The following SLC29A4 variants were observed in gnomAD, a reference collection of about 807,000 sequenced individuals.
SLC29A4 encodes equilibrative nucleoside transporter 4.
A neutral mutation model predicts 43.9 loss-of-function variants in SLC29A4; 36 were observed. The ratio of observed to expected loss-of-function variants is 0.82; its 90% CI spans 0.63 to 1.08. The LOEUF (loss-of-function observed/expected upper bound fraction) is 1.08, where lower values mean the gene tolerates loss of function less well. SLC29A4 is among the 50% of genes least tolerant of loss of function. SLC29A4 has a pLI of 0.00. For synonymous variants in SLC29A4, 491 were observed against 338.0 expected (o/e 1.45, Z -4.97); for missense variants, 869 against 755.3 (o/e 1.15, Z -1.77).
chr7:5,299,577 A>G (rs1379589618), intron 9 of SLC29A4, 150 bp downstream of exon 9: 1 of 921,764 alleles, frequency 1.1e-6, no homozygotes. Context: ...GCCATCCTGG[A>G]CAGTGTCCTC....
At chr7:5,286,806 C>T (rs1163939881) in intron 1 of SLC29A4, among the ~76,000 whole-genome samples, 2 of 152,174 alleles carry the variant, frequency 1.3e-5, no homozygotes, top group East Asian at 1.9e-4. Flanking sequence ...GGTTCTCCCA[C>T]TTTCTGCCTG....
chr7:5,305,614 A>G lies in SLC29A4; in HGVS notation c.*2675A>G, dbSNP rs987540200. The G allele has an allele frequency of 6.8e-6, 1 of 147,512 alleles. No homozygotes were observed. Among genetic ancestry groups the G allele is most frequent in the Admixed American group, 6.9e-5 (1 of 14,566 alleles). The allele number at this position is 147,512 out of a possible 1,614,324, so 9.1% of individuals were successfully genotyped here. On this transcript the variant is annotated 3_prime_UTR_variant, in exon 11 of 11. Transcript: ENST00000396872. Reference sequence around the variant, plus strand: ...CTTTTGTTGCCCAGGCTGGAGTGCAATGGCTCGATTTCAGCTCACTGCAAC... The same window carrying G: ...CTTTTGTTGCCCAGGCTGGAGTGCAGTGGCTCGATTTCAGCTCACTGCAAC...
chr7:5,299,488 C>T (rs1279526647), intron 9 of SLC29A4, 61 bp downstream of exon 9: 7 of 1,540,458 alleles, frequency 4.5e-6, no homozygotes, highest in Non-Finnish European at 5.3e-6. Context: ...ACAAGGGAGG[C>T]CCTGGCCTAT....
At chr7:5,285,033 T>C (rs1784864457) in intron 1 of SLC29A4, among the ~76,000 whole-genome samples, 1 of 152,122 alleles carries the variant, frequency 6.6e-6, no homozygotes, top group Non-Finnish European at 1.5e-5. Flanking sequence ...GGAGGAGCAT[T>C]TGATTGTTGT....
At position 5,305,955 on chromosome 7, in the gene SLC29A4, T is replaced by C. The variant is rs1323155167; in HGVS notation, c.*3016T>C. 1.3e-5 allele frequency: 2 copies of C among 152,084 alleles called. No homozygotes were observed. Among genetic ancestry groups the C allele is most frequent in the African/African-American group, 4.8e-5 (2 of 41,382 alleles). The allele number at this position is 152,084 out of a possible 1,614,324, so 9.4% of individuals were successfully genotyped here. A position where few individuals can be genotyped will look rare whatever the true frequency, so the allele number is the denominator to read the frequency against. On this transcript the variant is annotated 3_prime_UTR_variant, in exon 11 of 11. Transcript: ENST00000396872. Reference sequence around the variant, plus strand: ...CCTTTGCCGTGGGTTCAAGCGATTCTCCTGCCTCAGCCTCCCAAGTAGCTG... The same window carrying C: ...CCTTTGCCGTGGGTTCAAGCGATTCCCCTGCCTCAGCCTCCCAAGTAGCTG...
At chr7:5,291,355 T>A in intron 4 of SLC29A4, 118 bp downstream of exon 4, 1 of 1,002,832 alleles carries the variant, frequency 1.0e-6, no homozygotes, top group Non-Finnish European at 1.5e-6. Flanking sequence ...TGGGCACACT[T>A]CCTAGGGCTG....
intron 5 of SLC29A4, among the ~76,000 whole-genome samples, 181 bp downstream of exon 5, chr7:5,292,002 T>A (rs1456406402): frequency 6.6e-6 from 1 of 152,242 alleles, no homozygotes; most frequent in African/African-American, 2.4e-5. Context: ...GCCTGTGTAG[T>A]GTGTCTGCAG....
In SLC29A4 at chr7:5,291,134, C is replaced by G. The variant is rs1457764482; in HGVS notation, c.312C>G (p.Ile104Met). The G allele has an allele frequency of 2.5e-6, 4 of 1,613,752 alleles. No homozygotes were observed. Among genetic ancestry groups the G allele is most frequent in the Non-Finnish European group, 3.4e-6 (4 of 1,180,008 alleles). Reference protein sequence around the residue: ...YLHHKYPGTSIVFDMSLTYIL... With the variant: ...YLHHKYPGTSMVFDMSLTYIL... ...TCTGGCCCTCTGCAGGGACCTCCAT[C>G]GTGTTTGACATGAGCCTCACCTACA... Residue 104 changes from isoleucine (I) to methionine (M), a missense_variant, in exon 4 of 11, where the codon ATC becomes ATG. Coordinates refer to ENST00000396872, the MANE Select transcript of SLC29A4 (RefSeq NM_153247.4).
intron 10 of SLC29A4, among the ~76,000 whole-genome samples, chr7:5,301,427 T>G (rs1344513205): frequency 6.6e-6 from 1 of 151,898 alleles, no homozygotes; most frequent in Non-Finnish European, 1.5e-5. Context: ...GGAGGTGACT[T>G]GTGAGCAAAG....
In SLC29A4 at chr7:5,284,043, C is replaced by T. The variant is rs942594351; in HGVS notation, c.-9+961C>T. 1.4e-4 allele frequency among the ~76,000 whole-genome samples: 9 copies of T among 64,716 alleles called. 1 individual carries two copies. The highest frequency in any genetic ancestry group is 2.5e-4 in the Non-Finnish European group (6 of 24,472). The allele number at this position is 64,716 out of a possible 152,430, so 42.5% of individuals were successfully genotyped here. A position where few individuals can be genotyped will look rare whatever the true frequency, so the allele number is the denominator to read the frequency against. On this transcript the variant is annotated intron_variant, in intron 1 of 10. Coordinates refer to ENST00000396872, the MANE Select transcript of SLC29A4 (RefSeq NM_153247.4). ...GTCTGAGCTGCACGACCCCCCCCCC[C>T]ACCCCCGACTTGGCCTCTCTGTGCC...
At chr7:5,290,703 C>A in intron 2 of SLC29A4, 29 bp from the exon 3 acceptor site, 6 of 1,590,858 alleles carry the variant, frequency 3.8e-6, no homozygotes, top group Non-Finnish European at 5.2e-6. Flanking sequence ...TGGAGCGTGC[C>A]CCGTCTCACC....
Position 5,291,709 on chromosome 7 carries a change from G to A in SLC29A4, c.432G>A (p.Leu144=). Residue 144 remains leucine, a synonymous_variant, in exon 5 of 11, where the codon TTG becomes TTA. Coordinates refer to ENST00000396872, the MANE Select transcript of SLC29A4 (RefSeq NM_153247.4). ...CCCCAACAGGCTACCTCTTAGCCTT[G>A]GGCCCTCTCCTTTTTATCAGCATCT... is the stretch of plus-strand genomic sequence containing the variant. ...TRITAGYLLA[L]GPLLFISICD... The A allele has an allele frequency of 1.9e-6, 3 of 1,611,436 alleles. No individual in the cohort carries two copies. The highest frequency in any genetic ancestry group is 1.1e-5 in the South Asian group (1 of 90,918).
Position 5,300,680 on chromosome 7 carries a change from TG to T in SLC29A4, c.1450+23del. On this transcript the variant is annotated intron_variant, in intron 10 of 10. Transcript: ENST00000396872. The stretch of plus-strand genomic sequence containing the variant: ...GCTGGCAGGTGAGGCCCGCGGGACG[TG>T]GGGGTGGGGGCGTCCTCCCAGCAGC... The T allele has an allele frequency of 4.4e-6, 7 of 1,600,700 alleles. No individual in the cohort carries two copies. Among genetic ancestry groups the T allele is most frequent in the Non-Finnish European group, 5.1e-6 (6 of 1,177,638 alleles).
Position 5,287,915 on chromosome 7 carries a change from G to A in SLC29A4, c.99G>A (p.Leu33=), listed in dbSNP as rs776055320. ...VMSFTFDSHQ[L]EEAAEAAQGQ... ...GCTTCACCTTCGACAGTCACCAGCT[G>A]GAGGAGGCGGCGGAGGCGGCTCAGG... The change falls in exon 2 of 11, where the codon CTG becomes CTA. Residue 33 remains leucine, a synonymous_variant. Coordinates refer to ENST00000396872, the MANE Select transcript of SLC29A4 (RefSeq NM_153247.4). 3 of 1,612,046 alleles carry A rather than the reference G, an allele frequency of 1.9e-6. No individual in the cohort carries two copies. The Admixed American group carries it at 5.0e-5, about 27-fold the overall frequency.
chr7:5,283,074 C>A lies in SLC29A4; in HGVS notation c.-17C>A, dbSNP rs1784743223. The stretch of plus-strand genomic sequence containing the variant: ...GCGCGCCGAGGACCCCAGGCCGGGC[C>A]GGGCCGAGGTAAGCGGTGGCCGCGG... On this transcript the variant is annotated 5_prime_UTR_variant, in exon 1 of 11. Coordinates refer to ENST00000396872, the MANE Select transcript of SLC29A4 (RefSeq NM_153247.4). 1 of 147,576 alleles carries A rather than the reference C, an allele frequency of 6.8e-6. No homozygotes were observed. Among genetic ancestry groups the A allele is most frequent in the Non-Finnish European group, 1.5e-5 (1 of 66,182 alleles). 9.1% of individuals were successfully genotyped at this position (147,576 alleles called of 1,614,324 possible). A position where few individuals can be genotyped will look rare whatever the true frequency, so the allele number is the denominator to read the frequency against.
At position 5,303,952 on chromosome 7, in the gene SLC29A4, C is replaced by A. The variant is rs1002650033; in HGVS notation, c.*1013C>A. 2.0e-5 allele frequency: 3 copies of A among 152,552 alleles called. No homozygotes were observed. The highest frequency in any genetic ancestry group is 4.4e-5 in the Non-Finnish European group (3 of 68,324). The allele number at this position is 152,552 out of a possible 1,614,324, so 9.4% of individuals were successfully genotyped here. On this transcript the variant is annotated 3_prime_UTR_variant, in exon 11 of 11. Coordinates refer to ENST00000396872, the MANE Select transcript of SLC29A4 (RefSeq NM_153247.4). ...GGGAGGACCGCCCCCGCTTCCAGAT[C>A]CCCGGCCCCGGCTGTGACTGCCCTG... is the stretch of plus-strand genomic sequence containing the variant.
rs757059609 is a variant in SLC29A4, at chr7:5,300,701, A to C, written c.1450+39A>C. The stretch of plus-strand genomic sequence containing the variant: ...GACGTGGGGGTGGGGGCGTCCTCCC[A>C]GCAGCGCAATGCCCCCCTCGCGAGG... On this transcript the variant is annotated intron_variant, in intron 10 of 10. Coordinates refer to ENST00000396872, the MANE Select transcript of SLC29A4 (RefSeq NM_153247.4). 3.5e-5 allele frequency: 55 copies of C among 1,594,026 alleles called. No homozygotes were observed. The African/African-American group carries it at 6.5e-4, about 19-fold the overall frequency.
chr7:5,286,990 C>T (rs1300670154), intron 1 of SLC29A4, among the ~76,000 whole-genome samples: 1 of 152,252 alleles, frequency 6.6e-6, no homozygotes, highest in Non-Finnish European at 1.5e-5. Context: ...TCCTCCACTC[C>T]ATCTATTTCT....
At chr7:5,301,140 T>C (rs1583683151) in intron 10 of SLC29A4, among the ~76,000 whole-genome samples, 1 of 151,936 alleles carries the variant, frequency 6.6e-6, no homozygotes, top group East Asian at 1.9e-4. Flanking sequence ...AGCGTGCGCC[T>C]ATGGTCCCAG....
Sources: gnomAD v4.1 joint callset for allele counts (sites outside exome capture counted in the v4.1 genomes callset) on GRCh38, gnomAD v4.1.1 for gene constraint, MANE v1.5 for transcripts, NCBI Gene and HGNC (gene_info 2026-07-23, HGNC 2026-07-21) for gene names.